The following L3MBTL4 variants were observed in gnomAD, a reference collection of about 807,000 sequenced individuals.
L3MBTL4 encodes the protein L3MBTL histone methyl-lysine binding protein 4, also known as lethal(3)malignant brain tumor-like protein 4.
Under a neutral mutation model 84.5 loss-of-function variants are expected in L3MBTL4, and 70 were observed. That is an observed-to-expected ratio of 0.83 (90% CI 0.68 to 1.01). The LOEUF (loss-of-function observed/expected upper bound fraction) is 1.01, where lower values mean the gene tolerates loss of function less well. Among genes scored for constraint, L3MBTL4 ranks in the 50% least tolerant of loss-of-function variants. The pLI, the probability that L3MBTL4 is intolerant of heterozygous loss-of-function variation, is 0.00. For synonymous variants in L3MBTL4, 274 were observed against 259.8 expected, an observed-to-expected ratio of 1.05 and a Z score of -0.52; for missense variants, 715 against 754.8, an observed-to-expected ratio of 0.95 and a Z score of 0.62.
chr18:6,156,309 A>T (rs1302170329), intron 13 of L3MBTL4, among the ~76,000 whole-genome samples: 3 of 152,114 alleles, frequency 2.0e-5, no homozygotes, highest in African/African-American at 7.2e-5. Flanking sequence ...ACTATTTCCC[A>T]TAGGACTTTG....
chr18:6,334,944 A>G (rs963549248), intron 1 of L3MBTL4, among the ~76,000 whole-genome samples: 1 of 152,176 alleles, frequency 6.6e-6, no homozygotes, highest in South Asian at 2.1e-4. Flanking sequence ...AAATCACTGA[A>G]AGAAAAATCT....
At chr18:6,354,591 C>A (rs1469358744) in intron 1 of L3MBTL4, among the ~76,000 whole-genome samples, 1 of 152,064 alleles carries the variant, frequency 6.6e-6, no homozygotes, top group African/African-American at 2.4e-5. Flanking sequence ...AAGAAAAAAT[C>A]TAATAATCCA....
At chr18:6,042,361 G>A (rs1260773389) in intron 16 of L3MBTL4, among the ~76,000 whole-genome samples, 5 of 151,406 alleles carry the variant, frequency 3.3e-5, no homozygotes, top group Admixed American at 6.6e-5. Flanking sequence ...ACACACATAC[G>A]TGCACACACA....
chr18:6,367,968 A>G (rs559537469), intron 1 of L3MBTL4, among the ~76,000 whole-genome samples: 1 of 152,258 alleles, frequency 6.6e-6, no homozygotes, highest in East Asian at 1.9e-4. Context: ...TGAATTCAAA[A>G]CCAAGTCCTG....
chr18:6,239,567 A>G (rs901364821), intron 9 of L3MBTL4, 151 bp downstream of exon 9: 9 of 691,160 alleles, frequency 1.3e-5, no homozygotes, highest in Non-Finnish European at 2.2e-5. Flanking sequence ...AGTAATTCAC[A>G]TGGAAGAGAA....
chr18:6,394,699 GA>G (rs1488912450), intron 1 of L3MBTL4: 1 of 151,880 alleles, frequency 6.6e-6, no homozygotes, highest in Non-Finnish European at 1.5e-5. Context: ...AATACTGTAT[GA>G]TTTAATTGGA....
intron 16 of L3MBTL4, among the ~76,000 whole-genome samples, chr18:6,079,406 C>T (rs370529531): frequency 3.9e-5 from 6 of 152,178 alleles, no homozygotes; most frequent in South Asian, 2.1e-4. Flanking sequence ...TGTGAGGAAA[C>T]GGATATGTTT....
chr18:6,231,354 G>A (rs1036804647), intron 10 of L3MBTL4, among the ~76,000 whole-genome samples: 10 of 152,004 alleles, frequency 6.6e-5, no homozygotes, highest in Non-Finnish European at 1.5e-4. Flanking sequence ...TCCATTGCTT[G>A]TTTTTGCCTA....
chr18:6,401,961 G>A (rs555348922), intron 1 of L3MBTL4, among the ~76,000 whole-genome samples: 1 of 152,354 alleles, frequency 6.6e-6, no homozygotes, highest in South Asian at 2.1e-4. Flanking sequence ...TGGAATCAAG[G>A]AAGCGGAGAC....
At chr18:6,097,281 T>C (rs1159247353) in intron 14 of L3MBTL4, among the ~76,000 whole-genome samples, 1 of 152,210 alleles carries the variant, frequency 6.6e-6, no homozygotes, top group Non-Finnish European at 1.5e-5. Context: ...TCCTCTTTCT[T>C]TATAATGGAA....
rs1170043692 is a variant in L3MBTL4 at position 6,031,810 on chromosome 18, G to GT, written c.1444+49070_1444+49071insA. The GT allele has an allele frequency of 4.4e-6, 4 of 912,136 alleles. No homozygotes were observed. The African/African-American group carries it at 9.4e-5, about 21-fold the overall frequency. The allele number at this position is 912,136 out of a possible 1,614,324, so 56.5% of individuals were successfully genotyped here. On this transcript the variant is annotated intron_variant, in intron 16 of 18. Transcript: ENST00000317931. Reference sequence around the variant, plus strand: ...GTGACTAAAGGCAAATCAGATTCATGGTTTTTTTTTTTTTTTAATTTCACA... The same window carrying GT: ...GTGACTAAAGGCAAATCAGATTCATGTGTTTTTTTTTTTTTTTAATTTCACA...
chr18:6,164,806 C>T (rs927819917), intron 13 of L3MBTL4, among the ~76,000 whole-genome samples: 3 of 152,232 alleles, frequency 2.0e-5, no homozygotes, highest in Admixed American at 2.0e-4. Context: ...AGCTCCTCAC[C>T]AGCAACGGAA....
chr18:6,142,955 T>C (rs1489336070), intron 13 of L3MBTL4, among the ~76,000 whole-genome samples: 1 of 152,144 alleles, frequency 6.6e-6, no homozygotes, highest in African/African-American at 2.4e-5. Context: ...TAAAAGGATC[T>C]ACCAGAAAAG....
Position 6,138,293 on chromosome 18 carries a change from G to C in L3MBTL4, c.1100C>G (p.Thr367Arg), listed in dbSNP as rs758794589. 3.1e-6 allele frequency: 5 copies of C among 1,604,500 alleles called. No homozygotes were observed. Among genetic ancestry groups the C allele is most frequent in the African/African-American group, 1.3e-5 (1 of 74,720 alleles). The change falls in exon 14 of 19, where the codon ACG (threonine) becomes AGG (arginine). Residue 367 changes from threonine to arginine, a missense_variant. Transcript: ENST00000317931. ...ACCTGGAAGGATCTTCAGGTCATTC[G>C]TTCCTTCAGGAAGTAAAAGAACATG... ...TGHPLEVPQR[T>R]NDLKILPGQA...
At chr18:5,968,839 T>C (rs2144784051) in intron 17 of L3MBTL4, among the ~76,000 whole-genome samples, 1 of 152,294 alleles carries the variant, frequency 6.6e-6, no homozygotes, top group South Asian at 2.1e-4. Flanking sequence ...TGTGACCAAA[T>C]ATACTTTATA....
At chr18:6,210,732 A>G (rs942341153) in intron 12 of L3MBTL4, among the ~76,000 whole-genome samples, 22 of 152,360 alleles carry the variant, frequency 1.4e-4, no homozygotes, top group Admixed American at 2.6e-4. Flanking sequence ...AAACACAGGC[A>G]TGCAGCACAG....
chr18:6,221,080 T>C (rs2046531098), intron 10 of L3MBTL4, among the ~76,000 whole-genome samples: 1 of 151,940 alleles, frequency 6.6e-6, no homozygotes, highest in African/African-American at 2.4e-5. Context: ...GGTTTCAGAT[T>C]TTTTTTTAAA....
chr18:5,996,856 G>C (rs530950544), intron 16 of L3MBTL4, among the ~76,000 whole-genome samples: 1 of 152,090 alleles, frequency 6.6e-6, no homozygotes, highest in Non-Finnish European at 1.5e-5. Flanking sequence ...TCCTTACATG[G>C]ATCAAAGGAA....
intron 12 of L3MBTL4, among the ~76,000 whole-genome samples, chr18:6,191,351 G>C (rs946433095): frequency 6.6e-6 from 1 of 152,058 alleles, no homozygotes; most frequent in African/African-American, 2.4e-5. Context: ...ACAGTTTGCT[G>C]GTGAATTAGA....
Sources: gnomAD v4.1 joint callset for allele counts (sites outside exome capture counted in the v4.1 genomes callset) on GRCh38, gnomAD v4.1.1 for gene constraint, MANE v1.5 for transcripts, NCBI Gene and HGNC (gene_info 2026-07-23, HGNC 2026-07-21) for gene names.